Variants in ARL8B observed in about 807,000 individuals in gnomAD.
ARL8B encodes the protein ARF like GTPase 8B.
Under a neutral mutation model 30.6 loss-of-function variants are expected in ARL8B, and 9 were observed. The observed-to-expected ratio is 0.29, with a 90% CI of 0.18 to 0.51. The LOEUF (loss-of-function observed/expected upper bound fraction) is 0.51. Among genes scored for constraint, ARL8B ranks in the 20% least tolerant of loss-of-function variants. The probability of loss-of-function intolerance (pLI) is 0.97; values close to 1 mark genes in which losing one functional copy is unlikely to be tolerated. For synonymous variants in ARL8B, 74 were observed against 76.0 expected, an observed-to-expected ratio of 0.97 and a Z score of 0.14; for missense variants, 130 against 227.2, an observed-to-expected ratio of 0.57 and a Z score of 2.75.
At chr3:5,146,916 C>T (rs529094388) in intron 1 of ARL8B, among the ~76,000 whole-genome samples, 1 of 152,178 alleles carries the variant, frequency 6.6e-6, no homozygotes, top group South Asian at 2.1e-4. Flanking sequence ...TTCCTCAGGT[C>T]CCACCTTCAA....
At chr3:5,133,090 TATC>T (rs1559275931) in intron 1 of ARL8B, among the ~76,000 whole-genome samples, 1 of 131,136 alleles carries the variant, frequency 7.6e-6, no homozygotes, top group African/African-American at 3.3e-5. Context: ...GAACTGCCGA[TATC>T]ATGTGGGGAA....
chr3:5,137,050 G>C (rs1235503465), intron 1 of ARL8B, among the ~76,000 whole-genome samples: 1 of 152,156 alleles, frequency 6.6e-6, no homozygotes, highest in Non-Finnish European at 1.5e-5. Context: ...CTTAAATAGA[G>C]TAAAACAGTA....
At chr3:5,143,669 G>C (rs1204182684) in intron 1 of ARL8B, among the ~76,000 whole-genome samples, 11 of 152,248 alleles carry the variant, frequency 7.2e-5, no homozygotes, top group Admixed American at 7.2e-4. Context: ...CTCAGGTTGG[G>C]TGGAGCTTGT....
intron 1 of ARL8B, among the ~76,000 whole-genome samples, chr3:5,140,997 G>A (rs1037931459): frequency 1.8e-4 from 27 of 152,156 alleles, no homozygotes; most frequent in South Asian, 1.0e-3. Context: ...CCCTCCCCCA[G>A]CTCCTCATTG....
At chr3:5,154,690 C>A (rs958173977) in intron 1 of ARL8B, among the ~76,000 whole-genome samples, 5 of 152,022 alleles carry the variant, frequency 3.3e-5, no homozygotes, top group African/African-American at 1.2e-4. Flanking sequence ...CCTCATTCAC[C>A]CCAGCACCAC....
At chr3:5,159,602 CAAA>C (rs71053495) in intron 1 of ARL8B, among the ~76,000 whole-genome samples, 5,246 of 77,012 alleles carry the variant, frequency 0.068, 75 homozygotes, top group East Asian at 0.17. Context: ...AACTCCGTCT[CAAA>C]AAAAAAAAAA....
At chr3:5,142,700 A>G (rs2054384954) in intron 1 of ARL8B, among the ~76,000 whole-genome samples, 2 of 152,146 alleles carry the variant, frequency 1.3e-5, no homozygotes, top group Admixed American at 1.3e-4. Flanking sequence ...TAAAGTGTTT[A>G]TTAGGGTCTG....
rs187625183 is a variant in ARL8B at position 5,170,953 on chromosome 3, A to G, written c.204+370A>G. The G allele has an allele frequency of 3.8e-5, 6 of 159,532 alleles. No homozygotes were observed. In the East Asian group the frequency reaches 1.1e-3, roughly 30 times the overall value. The allele number at this position is 159,532 out of a possible 1,614,324, so 9.9% of individuals were successfully genotyped here. On this transcript the variant is annotated intron_variant, in intron 2 of 6. Coordinates refer to ENST00000256496, the MANE Select transcript of ARL8B (RefSeq NM_018184.3). ...CACCATGTTGGTTAGGCTCGTCTCA[A>G]CTCCTAACCTCAAATGATCTGCCTG...
intron 4 of ARL8B, among the ~76,000 whole-genome samples, chr3:5,173,725 A>T (rs1559286936): frequency 6.6e-6 from 1 of 151,802 alleles, no homozygotes; most frequent in African/African-American, 2.4e-5. Context: ...AAACAAACAA[A>T]CAAACAAACA....
chr3:5,135,548 T>TC (rs1167937026), intron 1 of ARL8B, among the ~76,000 whole-genome samples: 1 of 151,580 alleles, frequency 6.6e-6, no homozygotes, highest in Non-Finnish European at 1.5e-5. Context: ...AACCTCCACC[T>TC]CCCAGGTTCA....
intron 1 of ARL8B, among the ~76,000 whole-genome samples, chr3:5,124,801 T>C (rs766924777): frequency 2.0e-5 from 3 of 152,162 alleles, no homozygotes; most frequent in Non-Finnish European, 4.4e-5. Context: ...AGGCATAAGC[T>C]TGAGTGAAGT....
intron 1 of ARL8B, among the ~76,000 whole-genome samples, chr3:5,134,725 C>A (rs2054310496): frequency 6.6e-6 from 1 of 152,182 alleles, no homozygotes; most frequent in South Asian, 2.1e-4. Context: ...TCTTTGATAT[C>A]TGCTTAGAGA....
At chr3:5,174,929 A>G (rs1483001982) in intron 6 of ARL8B, among the ~76,000 whole-genome samples, 1 of 151,690 alleles carries the variant, frequency 6.6e-6, no homozygotes, top group African/African-American at 2.4e-5. Flanking sequence ...CAGCCTCCTG[A>G]GTAGCTGGGA....
Position 5,125,910 on chromosome 3 carries a change from G to A in ARL8B, c.123+3322G>A, listed in dbSNP as rs186799269. Among the ~76,000 whole-genome samples the A allele has an allele frequency of 2.2e-3, 342 of 152,196 alleles. 4 individuals are homozygous for A. The highest frequency in any genetic ancestry group is 6.2e-3 in the South Asian group (30 of 4,824). On this transcript the variant is annotated intron_variant, in intron 1 of 6. Coordinates refer to ENST00000256496, the MANE Select transcript of ARL8B (RefSeq NM_018184.3). ...CAGTTAAGAAAAAAAAAGTCACAAA[G>A]ATAAGGTGATGGATGTGTAATTGGC...
intron 1 of ARL8B, among the ~76,000 whole-genome samples, chr3:5,127,872 CAAAAAAAAAA>C (rs748657502): frequency 3.6e-3 from 38 of 10,590 alleles, no homozygotes; most frequent in East Asian, 0.028. Flanking sequence ...GACTCCGTCT[CAAAAAAAAAA>C]AAAAAAAAAA....
At chr3:5,123,136 T>C (rs1441720027) in intron 1 of ARL8B, among the ~76,000 whole-genome samples, 3 of 152,160 alleles carry the variant, frequency 2.0e-5, no homozygotes, top group African/African-American at 7.2e-5. Context: ...CAGTTACTTG[T>C]TTTCACCCGT....
Position 5,173,925 on chromosome 3 carries a change from TCTTAA to T in ARL8B, c.373-88_373-84del, listed in dbSNP as rs1235132899. The T allele has an allele frequency of 6.3e-6, 6 of 959,400 alleles. No individual in the cohort carries two copies. In the East Asian group the frequency reaches 9.5e-5, roughly 15 times the overall value. 59.4% of individuals were successfully genotyped at this position (959,400 alleles called of 1,614,324 possible). A position where few individuals can be genotyped will look rare whatever the true frequency, so the allele number is the denominator to read the frequency against. On this transcript the variant is annotated intron_variant, in intron 4 of 6. Transcript: ENST00000256496. ...CTTAACATTGTGGAATGTGTTAACATCTTAACTTTGTGTCTTCACATATCAAGATG... is the reference window on the plus strand; with the variant it reads ...CTTAACATTGTGGAATGTGTTAACATCTTTGTGTCTTCACATATCAAGATG...
At position 5,123,752 on chromosome 3, in the gene ARL8B, C is replaced by T. The variant is rs758880831; in HGVS notation, c.123+1164C>T. Among the ~76,000 whole-genome samples the T allele has an allele frequency of 3.8e-4, 58 of 152,154 alleles. 1 individual carries two copies. Among genetic ancestry groups the T allele is most frequent in the Admixed American group, 2.1e-3 (32 of 15,276 alleles). On this transcript the variant is annotated intron_variant, in intron 1 of 6. Transcript: ENST00000256496. ...ATTCTTAGTCCTTGCACTAATAAAG[C>T]AACAGGAATGAGTAAGTCTTGGAGA...
intron 1 of ARL8B, among the ~76,000 whole-genome samples, chr3:5,161,278 T>TTACC (rs1559283600): frequency 6.6e-6 from 1 of 152,138 alleles, no homozygotes; most frequent in East Asian, 1.9e-4. Flanking sequence ...GTTTGCCAGA[T>TTACC]TACCATAAAC....
Sources: gnomAD v4.1 joint callset for allele counts (sites outside exome capture counted in the v4.1 genomes callset) on GRCh38, gnomAD v4.1.1 for gene constraint, MANE v1.5 for transcripts, NCBI Gene and HGNC (gene_info 2026-07-23, HGNC 2026-07-21) for gene names.